FAT3: variants seen among roughly 807,000 people sequenced by gnomAD.
FAT3 encodes the protein FAT atypical cadherin 3.
Under a neutral mutation model 310.2 loss-of-function variants are expected in FAT3, and 95 were observed. That is an observed-to-expected ratio of 0.31 (90% CI 0.26 to 0.36). The LOEUF is 0.36. Among genes scored for constraint, FAT3 ranks in the 10% least tolerant of loss-of-function variants. The pLI is 1.00. For missense variants in FAT3, 5,408 were observed against 5,715.6 expected (o/e 0.95, Z 1.74); for synonymous variants, 2,314 against 2,192.9 (o/e 1.06, Z -1.54).
intron 2 of FAT3, among the ~76,000 whole-genome samples, chr11:92,467,365 A>G (rs530221818): frequency 6.6e-6 from 1 of 152,208 alleles, no homozygotes; most frequent in East Asian, 1.9e-4. Flanking sequence ...TTTTGGCTGC[A>G]TAAATATCTT....
intron 2 of FAT3, among the ~76,000 whole-genome samples, chr11:92,420,967 A>C (rs908559347): frequency 2.0e-5 from 3 of 152,170 alleles, no homozygotes; most frequent in African/African-American, 7.2e-5. Context: ...GGGCTCATAA[A>C]ATACCCAGTT....
intron 2 of FAT3, among the ~76,000 whole-genome samples, chr11:92,377,008 A>G (rs1258587779): frequency 6.6e-6 from 1 of 152,212 alleles, no homozygotes; most frequent in African/African-American, 2.4e-5. Context: ...TTCAATAGAC[A>G]TTAAAAAGAT....
intron 1 of FAT3, among the ~76,000 whole-genome samples, chr11:92,234,205 TAAC>T (rs1008975605): frequency 6.6e-6 from 1 of 152,244 alleles, no homozygotes; most frequent in East Asian, 1.9e-4. Flanking sequence ...ATAAAGTAAA[TAAC>T]AATTTGTCTC....
chr11:92,831,518 T>C (rs1948250414), intron 13 of FAT3, 104 bp from the exon 14 acceptor site: 1 of 946,346 alleles, frequency 1.1e-6, no homozygotes, highest in Non-Finnish European at 1.5e-6. Flanking sequence ...GTAATAACTA[T>C]TTTTCTTGTT....
chr11:92,845,270 A>T (rs1948657508), intron 19 of FAT3, among the ~76,000 whole-genome samples: 1 of 152,260 alleles, frequency 6.6e-6, no homozygotes, highest in African/African-American at 2.4e-5. Flanking sequence ...ATCCCAAGGC[A>T]GTGAGAGCCA....
At chr11:92,700,033 C>T (rs1172095818) in intron 4 of FAT3, among the ~76,000 whole-genome samples, 3 of 152,016 alleles carry the variant, frequency 2.0e-5, no homozygotes, top group Non-Finnish European at 4.4e-5. Context: ...GTCCTGGGGA[C>T]ACAAAGTGAG....
rs140323914 is a variant in FAT3 at position 92,448,732 on chromosome 11, T to G, written c.3293-75902T>G. On this transcript the variant is annotated intron_variant, in intron 2 of 27. Coordinates refer to ENST00000525166, the MANE Select transcript of FAT3 (RefSeq NM_001367949.2). ...TCCTTGTTGCCTGCTGAAAGTGTGC[T>G]GGGAAAACAGAACTGGTGCTTTCAC... is the stretch of plus-strand genomic sequence containing the variant. Among the ~76,000 whole-genome samples the G allele has an allele frequency of 4.1e-3, 622 of 152,336 alleles. 6 individuals are homozygous for G. The highest frequency in any genetic ancestry group is 0.014 in the African/African-American group (588 of 41,584).
intron 7 of FAT3, among the ~76,000 whole-genome samples, chr11:92,784,406 C>T (rs1416684979): frequency 2.0e-5 from 3 of 152,168 alleles, no homozygotes; most frequent in African/African-American, 7.2e-5. Flanking sequence ...TAATTCAGGA[C>T]TTAATTGGTT....
At chr11:92,613,400 TTA>T (rs140718818) in intron 3 of FAT3, among the ~76,000 whole-genome samples, 84,890 of 151,634 alleles carry the variant, frequency 0.56, 25,162 homozygotes, top group African/African-American at 0.76. Flanking sequence ...AATATTTTTT[TTA>T]AAAAAAACTA....
chr11:92,489,912 C>A (rs1258180924), intron 2 of FAT3, among the ~76,000 whole-genome samples: 1 of 150,234 alleles, frequency 6.7e-6, no homozygotes, highest in African/African-American at 2.5e-5. Context: ...TACTTTCTCC[C>A]ATGAGCAGCG....
At chr11:92,737,642 A>G (rs1945392239) in intron 4 of FAT3, among the ~76,000 whole-genome samples, 1 of 152,278 alleles carries the variant, frequency 6.6e-6, no homozygotes, top group South Asian at 2.1e-4. Flanking sequence ...ATAAGAATCA[A>G]CCTTGTTTAA....
At chr11:92,726,450 G>C (rs1285346715) in intron 4 of FAT3, among the ~76,000 whole-genome samples, 2 of 152,162 alleles carry the variant, frequency 1.3e-5, no homozygotes, top group Non-Finnish European at 2.9e-5. Flanking sequence ...TGAAATTGTG[G>C]TTACGATGTT....
intron 2 of FAT3, among the ~76,000 whole-genome samples, chr11:92,373,393 C>G (rs982874448): frequency 5.9e-5 from 9 of 152,120 alleles, no homozygotes; most frequent in African/African-American, 1.9e-4. Context: ...AGAGCCAAGG[C>G]TATAACTCAG....
chr11:92,259,352 G>T (rs1188905585), intron 1 of FAT3, among the ~76,000 whole-genome samples: 2 of 151,986 alleles, frequency 1.3e-5, no homozygotes, highest in Non-Finnish European at 2.9e-5. Context: ...TGACTGAAGG[G>T]TATGTTAATT....
intron 13 of FAT3, among the ~76,000 whole-genome samples, chr11:92,826,690 A>G (rs1231447137): frequency 6.6e-6 from 1 of 152,244 alleles, no homozygotes; most frequent in Non-Finnish European, 1.5e-5. Context: ...ATTGCTTCAC[A>G]TTATTTCTTC....
chr11:92,420,376 A>G (rs917753047), intron 2 of FAT3, among the ~76,000 whole-genome samples: 2 of 152,200 alleles, frequency 1.3e-5, no homozygotes, highest in African/African-American at 4.8e-5. Flanking sequence ...TTGCTCCATG[A>G]GGATGCAGTG....
chr11:92,326,287 G>A (rs139077731), intron 1 of FAT3, among the ~76,000 whole-genome samples: 1 of 152,290 alleles, frequency 6.6e-6, no homozygotes, highest in East Asian at 1.9e-4. Flanking sequence ...TGTTATTTCA[G>A]CAATACCAGG....
intron 2 of FAT3, among the ~76,000 whole-genome samples, chr11:92,418,423 C>CT (rs1950462360): frequency 2.2e-5 from 1 of 46,134 alleles, no homozygotes; most frequent in African/African-American, 6.1e-5. Context: ...TTAAACACCC[C>CT]CCCCACCCCC....
intron 4 of FAT3, among the ~76,000 whole-genome samples, chr11:92,730,858 A>AT (rs1039895922): frequency 6.6e-6 from 1 of 151,768 alleles, no homozygotes; most frequent in African/African-American, 2.4e-5. Context: ...AGTTTTTAAA[A>AT]TTTTTTTTTC....
Sources: allele counts gnomAD v4.1 joint callset (sites outside exome capture counted in the v4.1 genomes callset), GRCh38; gene constraint gnomAD v4.1.1; transcripts MANE v1.5; gene names NCBI Gene and HGNC (gene_info 2026-07-23, HGNC 2026-07-21).